FAM193A: variants seen among roughly 807,000 people sequenced by gnomAD.
FAM193A encodes the protein family with sequence similarity 193 member A.
FAM193A carries 22 observed loss-of-function variants against 126.5 expected under a neutral mutation model. The observed-to-expected ratio is 0.17, with a 90% CI of 0.12 to 0.25. The LOEUF (loss-of-function observed/expected upper bound fraction) is 0.25. FAM193A is among the 10% of genes least tolerant of loss of function. The pLI, the probability that FAM193A is intolerant of heterozygous loss-of-function variation, is 1.00. For synonymous variants in FAM193A, 761 were observed against 646.8 expected, an observed-to-expected ratio of 1.18 and a Z score of -2.68; for missense variants, 1,675 against 1,672.8, an observed-to-expected ratio of 1.00 and a Z score of -0.02.
At chr4:2,709,335 G>T (rs1718660237) in intron 19 of FAM193A, among the ~76,000 whole-genome samples, 1 of 152,114 alleles carries the variant, frequency 6.6e-6, no homozygotes, top group African/African-American at 2.4e-5. Context: ...TTTTAGGAGA[G>T]ATGGGTCTGT....
chr4:2,728,168 T>A (rs1225473310), intron 20 of FAM193A, among the ~76,000 whole-genome samples: 2 of 150,662 alleles, frequency 1.3e-5, no homozygotes, highest in Non-Finnish European at 1.5e-5. Flanking sequence ...CGACCTCGGG[T>A]GATCTGCCCA....
At chr4:2,537,668 C>T (rs1383707986) in intron 1 of FAM193A, among the ~76,000 whole-genome samples, 6 of 152,240 alleles carry the variant, frequency 3.9e-5, no homozygotes, top group Non-Finnish European at 7.3e-5. Context: ...AAATGTTTCT[C>T]TGGCCACCTT....
At chr4:2,561,890 A>G (rs1350151397) in intron 1 of FAM193A, among the ~76,000 whole-genome samples, 2 of 152,126 alleles carry the variant, frequency 1.3e-5, no homozygotes, top group Non-Finnish European at 1.5e-5. Flanking sequence ...TTTTCCCCCC[A>G]TAGCTGTGGC....
chr4:2,627,235 A>G (rs1418414164), intron 4 of FAM193A, among the ~76,000 whole-genome samples: 3 of 141,824 alleles, frequency 2.1e-5, no homozygotes, highest in East Asian at 4.0e-4. Context: ...ATCTTGGCTC[A>G]CTGCAACCCC....
intron 19 of FAM193A, among the ~76,000 whole-genome samples, chr4:2,705,566 C>G (rs1003175650): frequency 2.0e-5 from 3 of 151,378 alleles, no homozygotes; most frequent in East Asian, 1.9e-4. Flanking sequence ...AGCGAGTGGT[C>G]CCAGCACATT....
intron 1 of FAM193A, among the ~76,000 whole-genome samples, chr4:2,592,472 C>A: frequency 6.6e-6 from 1 of 152,174 alleles, no homozygotes; most frequent in Non-Finnish European, 1.5e-5. Flanking sequence ...GATTTATCTT[C>A]CTGTCTCAAA....
At chr4:2,673,178 C>T (rs964338951) in intron 13 of FAM193A, among the ~76,000 whole-genome samples, 6 of 152,014 alleles carry the variant, frequency 3.9e-5, no homozygotes, top group African/African-American at 1.4e-4. Flanking sequence ...TTCTTTGTAC[C>T]AGTTATTCTT....
intron 10 of FAM193A, among the ~76,000 whole-genome samples, chr4:2,660,786 G>A (rs143144712): frequency 1.3e-5 from 2 of 152,264 alleles, no homozygotes; most frequent in East Asian, 1.9e-4. Context: ...CCTTCTGTCT[G>A]GATTTCTCAT....
intron 20 of FAM193A, among the ~76,000 whole-genome samples, chr4:2,731,434 C>T (rs1392879985): frequency 4.6e-5 from 7 of 152,064 alleles, no homozygotes; most frequent in Non-Finnish European, 7.4e-5. Flanking sequence ...GATTTGCCCT[C>T]CTCAGCCTCC....
At chr4:2,620,860 T>TAAAAAAAAAAAAAAAAAA (rs1742505884) in intron 2 of FAM193A, among the ~76,000 whole-genome samples, 1 of 113,884 alleles carries the variant, frequency 8.8e-6, no homozygotes, top group African/African-American at 3.9e-5. Context: ...AAAAAAAAAG[T>TAAAAAAAAAAAAAAAAAA]AATTAACAAG....
chr4:2,731,408 A>G (rs994276642), intron 20 of FAM193A, among the ~76,000 whole-genome samples: 3 of 151,638 alleles, frequency 2.0e-5, no homozygotes, highest in African/African-American at 7.3e-5. Context: ...CTGGTCTCGA[A>G]CTCCTAAGTT....
chr4:2,550,234 C>T (rs953912774), intron 1 of FAM193A, among the ~76,000 whole-genome samples: 17 of 145,986 alleles, frequency 1.2e-4, no homozygotes, highest in East Asian at 8.3e-4. Context: ...TTAGTAGAGA[C>T]GGGGTTTCGT....
At chr4:2,669,377 G>A (rs1713527490) in intron 12 of FAM193A, among the ~76,000 whole-genome samples, 1 of 152,102 alleles carries the variant, frequency 6.6e-6, no homozygotes, top group African/African-American at 2.4e-5. Flanking sequence ...GGGAGGCAGA[G>A]GCGGGCAGAT....
intron 1 of FAM193A, among the ~76,000 whole-genome samples, chr4:2,586,565 T>G (rs1215929043): frequency 6.6e-6 from 1 of 152,178 alleles, no homozygotes; most frequent in Non-Finnish European, 1.5e-5. Flanking sequence ...GGTTATAAAT[T>G]TAGTGTCCGT....
chr4:2,708,167 C>G (rs1368506958), intron 19 of FAM193A: 1 of 449,970 alleles, frequency 2.2e-6, no homozygotes, highest in Admixed American at 2.4e-5. Context: ...CTCTTGTTGC[C>G]CAGTCTGGGG....
intron 18 of FAM193A, 148 bp from the exon 19 acceptor site, chr4:2,699,532 G>A (rs1173052644): frequency 1.6e-5 from 11 of 672,444 alleles, no homozygotes; most frequent in Non-Finnish European, 2.8e-5. Context: ...AATTGGAGGT[G>A]GGTGTGTGTT....
In FAM193A at chr4:2,700,007, A is replaced by G. The variant is rs994836361; in HGVS notation, c.3835A>G (p.Arg1279Gly). 1.2e-6 allele frequency: 2 copies of G among 1,613,978 alleles called. No individual in the cohort carries two copies. The highest frequency in any genetic ancestry group is 1.7e-6 in the Non-Finnish European group (2 of 1,180,000). Residue 1279 changes from arginine (R) to glycine (G), a missense_variant, in exon 19 of 21, where the codon AGG becomes GGG. Around this residue, in one of 4 missense-constraint regions of FAM193A, gnomAD observed 415 missense variants for 396.7 expected, o/e 1.05. Transcript: ENST00000637812. ...EPETSSHSPSRHMNHSEPRPG... is the reference protein window; with the variant it reads ...EPETSSHSPSGHMNHSEPRPG... Reference sequence around the variant, plus strand: ...AGAAACCTCTTCTCACTCCCCATCCAGGCATATGAACCACTCAGAGCCCAG... The same window carrying G: ...AGAAACCTCTTCTCACTCCCCATCCGGGCATATGAACCACTCAGAGCCCAG...
intron 6 of FAM193A, among the ~76,000 whole-genome samples, chr4:2,641,402 T>C (rs1383644242): frequency 1.3e-5 from 2 of 151,886 alleles, no homozygotes; most frequent in African/African-American, 4.8e-5. Context: ...CTCACACCTG[T>C]AATCCCAGCA....
At chr4:2,727,045 G>C (rs551981246) in intron 20 of FAM193A, among the ~76,000 whole-genome samples, 41 of 152,034 alleles carry the variant, frequency 2.7e-4, no homozygotes, top group African/African-American at 9.2e-4. Context: ...CGGATCACGA[G>C]GTCAAGAGAT....
Sources: gnomAD v4.1 joint callset for allele counts (sites outside exome capture counted in the v4.1 genomes callset) on GRCh38, gnomAD v4.1.1 for gene constraint, gnomAD v4.1.1 regional missense constraint, MANE v1.5 for transcripts, NCBI Gene and HGNC (gene_info 2026-07-23, HGNC 2026-07-21) for gene names.